The following EPHA5 variants were observed in gnomAD, a reference collection of about 807,000 sequenced individuals.
EPHA5 encodes the protein ephrin type-A receptor 5.
A neutral mutation model predicts 105.0 loss-of-function variants in EPHA5; 60 were observed. The ratio of observed to expected loss-of-function variants is 0.57; its 90% CI spans 0.46 to 0.71. EPHA5 has a LOEUF of 0.71. EPHA5 is among the 30% of genes least tolerant of loss of function. The pLI, the probability that EPHA5 is intolerant of heterozygous loss-of-function variation, is 0.00. For missense variants in EPHA5, 1,218 were observed against 1,274.7 expected (o/e 0.96, Z 0.68); for synonymous variants, 513 against 449.1 (o/e 1.14, Z -1.80).
chr4:65,633,180 TCTCTC>T (rs748478494), intron 2 of EPHA5, among the ~76,000 whole-genome samples: 2 of 151,134 alleles, frequency 1.3e-5, no homozygotes, highest in African/African-American at 2.4e-5. Flanking sequence ...GCAAGAGGAG[TCTCTC>T]TTCCCCTGCT....
chr4:65,581,660 T>C (rs1442385920), intron 3 of EPHA5, among the ~76,000 whole-genome samples: 1 of 151,784 alleles, frequency 6.6e-6, no homozygotes, highest in Non-Finnish European at 1.5e-5. Context: ...TCTTGTTTTA[T>C]CTTAACAGTT....
chr4:65,366,106 C>A (rs1200811838), intron 9 of EPHA5, 49 bp from the exon 10 acceptor site: 1 of 1,521,854 alleles, frequency 6.6e-7, no homozygotes, highest in Non-Finnish European at 9.0e-7. Context: ...GATGGATGAG[C>A]AAAATTATGA....
chr4:65,571,837 C>T (rs1429146252), intron 3 of EPHA5, among the ~76,000 whole-genome samples: 1 of 151,954 alleles, frequency 6.6e-6, no homozygotes, highest in East Asian at 1.9e-4. Flanking sequence ...ATTTCGGGTC[C>T]AAAGTCCAAT....
intron 5 of EPHA5, among the ~76,000 whole-genome samples, chr4:65,462,597 G>A (rs755097371): frequency 6.6e-6 from 1 of 152,148 alleles, no homozygotes; most frequent in Non-Finnish European, 1.5e-5. Flanking sequence ...AGATGACCTG[G>A]TCAGGGCACT....
At chr4:65,582,023 T>C (rs1384733230) in intron 3 of EPHA5, among the ~76,000 whole-genome samples, 1 of 151,792 alleles carries the variant, frequency 6.6e-6, no homozygotes, top group African/African-American at 2.4e-5. Context: ...TTGCTTGTTT[T>C]GCTGTAGACA....
chr4:65,331,528 G>C (rs577770653), intron 16 of EPHA5: 7 of 1,054,196 alleles, frequency 6.6e-6, no homozygotes, highest in African/African-American at 1.7e-5. Context: ...CTTTGTTTAA[G>C]CTACTGTTAC....
In EPHA5 at chr4:65,643,268, A is replaced by T. The variant is rs572667199; in HGVS notation, c.246+95T>A. On this transcript the variant is annotated intron_variant, in intron 2 of 16. Transcript: ENST00000613740. ...ACACATAGCACCTCCTGTCTTAACA[A>T]CATATACATCCAGTACATATTCATT... The T allele has an allele frequency of 2.5e-5, 25 of 1,001,018 alleles. No individual in the cohort carries two copies. In the South Asian group the frequency reaches 3.4e-4, roughly 14 times the overall value. 62.0% of individuals were successfully genotyped at this position (1,001,018 alleles called of 1,614,324 possible).
intron 3 of EPHA5, among the ~76,000 whole-genome samples, chr4:65,519,603 G>C (rs913915554): frequency 6.6e-6 from 1 of 151,900 alleles, no homozygotes; most frequent in Non-Finnish European, 1.5e-5. Context: ...GTTTGCAGAT[G>C]ACATGTTTGT....
chr4:65,456,763 T>C (rs1454398439), intron 5 of EPHA5, among the ~76,000 whole-genome samples: 1 of 151,918 alleles, frequency 6.6e-6, no homozygotes, highest in Non-Finnish European at 1.5e-5. Flanking sequence ...TATTAGCTGA[T>C]TTGTAATATG....
intron 3 of EPHA5, among the ~76,000 whole-genome samples, chr4:65,571,037 C>G (rs1187529126): frequency 6.6e-6 from 1 of 151,798 alleles, no homozygotes. Context: ...CTTCTTCCTC[C>G]CCCTCCCTTC....
At chr4:65,666,283 T>A (rs886735207) in intron 1 of EPHA5, among the ~76,000 whole-genome samples, 2 of 152,172 alleles carry the variant, frequency 1.3e-5, no homozygotes, top group Non-Finnish European at 2.9e-5. Context: ...AGAAGCACTT[T>A]ACTGGGACAT....
chr4:65,398,484 C>A (rs1317780243), intron 8 of EPHA5, among the ~76,000 whole-genome samples: 1 of 152,136 alleles, frequency 6.6e-6, no homozygotes, highest in South Asian at 2.1e-4. Context: ...GACAGTGGCT[C>A]CCCAGTGAAG....
At chr4:65,422,989 G>A (rs1253468878) in intron 5 of EPHA5, among the ~76,000 whole-genome samples, 12 of 151,844 alleles carry the variant, frequency 7.9e-5, no homozygotes, top group Non-Finnish European at 1.5e-4. Flanking sequence ...TTTAATTAAT[G>A]TCCTTTTTCT....
intron 3 of EPHA5, among the ~76,000 whole-genome samples, chr4:65,507,242 C>T (rs1246765166): frequency 4.6e-5 from 7 of 152,038 alleles, no homozygotes; most frequent in African/African-American, 1.7e-4. Flanking sequence ...GTTTTGGTAC[C>T]AGTACCATGC....
chr4:65,404,009 G>C (rs1350795625), intron 8 of EPHA5, among the ~76,000 whole-genome samples: 1 of 152,058 alleles, frequency 6.6e-6, no homozygotes, highest in Non-Finnish European at 1.5e-5. Flanking sequence ...TTGGTACAGA[G>C]ATAGCTTTTC....
chr4:65,467,978 A>G (rs768626669), intron 5 of EPHA5, among the ~76,000 whole-genome samples: 2 of 152,198 alleles, frequency 1.3e-5, no homozygotes, highest in Non-Finnish European at 2.9e-5. Flanking sequence ...AGGATAGTAA[A>G]TGAATTATGC....
intron 3 of EPHA5, among the ~76,000 whole-genome samples, chr4:65,537,840 C>A (rs759900244): frequency 1.7e-4 from 26 of 151,582 alleles, no homozygotes; most frequent in Non-Finnish European, 2.7e-4. Flanking sequence ...TAGAAAATAT[C>A]CCCATACAAT....
chr4:65,620,107 G>GAT (rs1560782382), intron 2 of EPHA5, among the ~76,000 whole-genome samples: 100 of 62,682 alleles, frequency 1.6e-3, no homozygotes, highest in African/African-American at 5.0e-3. Flanking sequence ...TTTGGACTCA[G>GAT]GTATATATAT....
chr4:65,584,872 T>C (rs1741964553), intron 3 of EPHA5, among the ~76,000 whole-genome samples: 1 of 151,998 alleles, frequency 6.6e-6, no homozygotes, highest in African/African-American at 2.4e-5. Flanking sequence ...AATTATTACA[T>C]ATACAGCCTT....
Sources: allele counts gnomAD v4.1 joint callset (sites outside exome capture counted in the v4.1 genomes callset), GRCh38; gene constraint gnomAD v4.1.1; transcripts MANE v1.5; gene names NCBI Gene and HGNC (gene_info 2026-07-23, HGNC 2026-07-21).